CCM2: variants seen among roughly 807,000 people sequenced by gnomAD.
The protein encoded by CCM2 is cerebral cavernous malformations 2 protein.
In CCM2, 25 loss-of-function variants were observed where a neutral mutation model predicts 44.9. The ratio of observed to expected loss-of-function variants is 0.56; its 90% CI spans 0.41 to 0.78. The LOEUF (loss-of-function observed/expected upper bound fraction) is 0.78. Ranked by LOEUF, CCM2 falls within the 30% of genes least tolerant of loss-of-function variation. The pLI, the probability that CCM2 is intolerant of heterozygous loss-of-function variation, is 0.00. For synonymous variants in CCM2, 219 were observed against 241.1 expected, an observed-to-expected ratio of 0.91 and a Z score of 0.85; for missense variants, 481 against 580.6, an observed-to-expected ratio of 0.83 and a Z score of 1.76.
chr7:45,025,550 T>G (rs1583871832), intron 1 of CCM2, among the ~76,000 whole-genome samples: 3 of 117,520 alleles, frequency 2.6e-5, no homozygotes, highest in Admixed American at 2.5e-4. Flanking sequence ...TTTTTTTTTT[T>G]GAGATGGAGT....
chr7:45,053,603 G>A (rs961051598), intron 2 of CCM2, among the ~76,000 whole-genome samples: 2 of 152,104 alleles, frequency 1.3e-5, no homozygotes, highest in Admixed American at 6.5e-5. Context: ...TGCTCTGTGC[G>A]AGTCAGTGCT....
Position 45,033,216 on chromosome 7 carries a change from G to T in CCM2, c.31-5037G>T, listed in dbSNP as rs1797051477. On this transcript the variant is annotated intron_variant, in intron 1 of 9. Transcript: ENST00000258781. Reference sequence around the variant, plus strand: ...TACTATTTCTCACTGCCTAACTGCAGAGGGTCTCTCTTTAGGGGTGGGATT... The same window carrying T: ...TACTATTTCTCACTGCCTAACTGCATAGGGTCTCTCTTTAGGGGTGGGATT... Among the ~76,000 whole-genome samples, 3 of 152,312 alleles carry T rather than the reference G, an allele frequency of 2.0e-5. No homozygotes were observed. In the South Asian group the frequency reaches 6.2e-4, roughly 32 times the overall value.
At chr7:45,011,503 A>C (rs1265210519) in intron 1 of CCM2, among the ~76,000 whole-genome samples, 1 of 151,354 alleles carries the variant, frequency 6.6e-6, no homozygotes, top group Non-Finnish European at 1.5e-5. Flanking sequence ...AGCTGGGCTA[A>C]TTTTTAAAAA....
At chr7:45,010,746 C>T (rs1025662121) in intron 1 of CCM2, among the ~76,000 whole-genome samples, 4 of 152,014 alleles carry the variant, frequency 2.6e-5, no homozygotes, top group South Asian at 4.2e-4. Context: ...TATAGGTGCC[C>T]GCCACGATGC....
rs138814573 is a variant in CCM2, at chr7:45,059,652, C to A, written c.205-4266C>A. 4.3e-3 allele frequency among the ~76,000 whole-genome samples: 647 copies of A among 152,150 alleles called. 4 individuals carry two copies. The highest frequency in any genetic ancestry group is 0.015 in the African/African-American group (623 of 41,500). On this transcript the variant is annotated intron_variant, in intron 2 of 9. Coordinates refer to ENST00000258781, the MANE Select transcript of CCM2 (RefSeq NM_031443.4). ...TAGTCTCATCTACTAGTGGGAGGAT[C>A]GCTTCAGCCTGGGAGGTTGAGGCTG...
intron 1 of CCM2, among the ~76,000 whole-genome samples, chr7:45,011,626 A>G (rs998190564): frequency 4.0e-5 from 6 of 151,846 alleles, no homozygotes; most frequent in African/African-American, 1.5e-4. Context: ...ATCTTGGCTC[A>G]CTGCAACCTC....
chr7:45,037,632 G>A (rs1177192282), intron 1 of CCM2, among the ~76,000 whole-genome samples: 3 of 151,958 alleles, frequency 2.0e-5, no homozygotes, highest in African/African-American at 7.3e-5. Flanking sequence ...TGGCCAGGCT[G>A]GTCTCGAACT....
chr7:45,052,096 A>T (rs1380435578), intron 2 of CCM2, among the ~76,000 whole-genome samples: 3 of 152,228 alleles, frequency 2.0e-5, no homozygotes, highest in South Asian at 2.1e-4. Context: ...TTGCTGTCCC[A>T]CATCGGAAAC....
At chr7:45,026,763 C>T (rs556348539) in intron 1 of CCM2, among the ~76,000 whole-genome samples, 3 of 152,040 alleles carry the variant, frequency 2.0e-5, no homozygotes, top group Admixed American at 6.6e-5. Flanking sequence ...TCACCACGCC[C>T]GGCTAATTTT....
intron 2 of CCM2, among the ~76,000 whole-genome samples, chr7:45,058,874 C>T (rs909279887): frequency 1.3e-5 from 2 of 151,460 alleles, no homozygotes; most frequent in African/African-American, 4.9e-5. Context: ...GCTGGGATTA[C>T]AGGCACCTGC....
intron 1 of CCM2, among the ~76,000 whole-genome samples, chr7:45,004,385 G>C (rs941593801): frequency 1.3e-5 from 2 of 152,138 alleles, no homozygotes; most frequent in Non-Finnish European, 2.9e-5. Flanking sequence ...GAATGCTTTG[G>C]TAATGGTTAT....
At chr7:45,073,025 G>T in intron 7 of CCM2, 1 of 627,974 alleles carries the variant, frequency 1.6e-6, no homozygotes. Flanking sequence ...GGCCTCCCAA[G>T]AGTGAGCTTG....
chr7:45,013,567 A>T (rs995560190), intron 1 of CCM2, among the ~76,000 whole-genome samples: 13 of 152,180 alleles, frequency 8.5e-5, no homozygotes, highest in African/African-American at 3.1e-4. Flanking sequence ...CCATTCTGAC[A>T]TCATTAAAAT....
intron 2 of CCM2, among the ~76,000 whole-genome samples, chr7:45,041,259 T>G (rs1797483127): frequency 6.6e-6 from 1 of 151,094 alleles, no homozygotes; most frequent in South Asian, 2.1e-4. Flanking sequence ...GAATTGATAA[T>G]AAATCATTAA....
At chr7:45,074,029 C>G in intron 8 of CCM2, 1 of 791,856 alleles carries the variant, frequency 1.3e-6, no homozygotes, top group Non-Finnish European at 1.9e-6. Context: ...CTCCCATGCA[C>G]TCTGTGTTCC....
At chr7:45,020,456 G>A (rs1221799565) in intron 1 of CCM2, among the ~76,000 whole-genome samples, 2 of 151,982 alleles carry the variant, frequency 1.3e-5, no homozygotes, top group Non-Finnish European at 2.9e-5. Context: ...ATTTTTATCT[G>A]TGGGCTACTG....
intron 1 of CCM2, among the ~76,000 whole-genome samples, chr7:45,026,852 C>T (rs1291254300): frequency 6.6e-6 from 1 of 152,124 alleles, no homozygotes; most frequent in East Asian, 1.9e-4. Context: ...ATCCACCTGC[C>T]TCAGCCTTCT....
chr7:45,026,845 C>G (rs1796711310), intron 1 of CCM2, among the ~76,000 whole-genome samples: 1 of 152,036 alleles, frequency 6.6e-6, no homozygotes, highest in African/African-American at 2.4e-5. Context: ...TCAGGTGATC[C>G]ACCTGCCTCA....
At chr7:45,072,112 G>T (rs1337028755) in intron 6 of CCM2, 1 of 347,646 alleles carries the variant, frequency 2.9e-6, no homozygotes, top group Non-Finnish European at 5.6e-6. Flanking sequence ...GTCTGTGCTG[G>T]TGTGAAATGT....
Sources: gnomAD v4.1 joint callset for allele counts (sites outside exome capture counted in the v4.1 genomes callset) on GRCh38, gnomAD v4.1.1 for gene constraint, MANE v1.5 for transcripts, NCBI Gene and HGNC (gene_info 2026-07-23, HGNC 2026-07-21) for gene names.